PDZD2: variants seen among roughly 807,000 people sequenced by gnomAD.
PDZD2 encodes the protein PDZ domain-containing protein 2.
A neutral mutation model predicts 220.7 loss-of-function variants in PDZD2; 90 were observed. The ratio of observed to expected loss-of-function variants is 0.41; its 90% CI spans 0.34 to 0.49. PDZD2 has a LOEUF of 0.49. Ranked by LOEUF, PDZD2 falls within the 20% of genes least tolerant of loss-of-function variation. The probability of loss-of-function intolerance (pLI) is 0.28; values close to 1 mark genes in which losing one functional copy is unlikely to be tolerated. For missense variants in PDZD2, 3,174 were observed against 3,608.5 expected (o/e 0.88, Z 3.08); for synonymous variants, 1,375 against 1,450.5 (o/e 0.95, Z 1.18).
intron 2 of PDZD2, among the ~76,000 whole-genome samples, chr5:31,821,565 G>C (rs1755863016): frequency 6.6e-6 from 1 of 152,018 alleles, no homozygotes; most frequent in Non-Finnish European, 1.5e-5. Context: ...ATTTTTAGTA[G>C]AGACGGGGTT....
At chr5:32,063,397 G>T (rs1382469434) in intron 14 of PDZD2, among the ~76,000 whole-genome samples, 1 of 152,164 alleles carries the variant, frequency 6.6e-6, no homozygotes, top group African/African-American at 2.4e-5. Flanking sequence ...AAAGAGAGAA[G>T]ATCCTTCAGG....
At chr5:31,762,415 G>A (rs1403469540) in intron 1 of PDZD2, among the ~76,000 whole-genome samples, 1 of 152,134 alleles carries the variant, frequency 6.6e-6, no homozygotes, top group Non-Finnish European at 1.5e-5. Flanking sequence ...AGCCTCCCAA[G>A]TAGCTGGGAT....
At chr5:31,969,508 C>CAAAAAAAAAAAAAAAAAAAAA (rs1749073053) in intron 2 of PDZD2, among the ~76,000 whole-genome samples, 1 of 9,280 alleles carries the variant, frequency 1.1e-4, no homozygotes, top group East Asian at 2.7e-3. Flanking sequence ...GGCCCCCTCT[C>CAAAAAAAAAAAAAAAAAAAAA]CAAAAAAAAA....
intron 1 of PDZD2, chr5:31,725,846 C>T: frequency 2.5e-6 from 2 of 793,704 alleles, no homozygotes; most frequent in South Asian, 1.4e-5. Flanking sequence ...GCCGGAATGG[C>T]TTCTGCTACG....
chr5:31,882,542 C>T (rs747770674), intron 2 of PDZD2, among the ~76,000 whole-genome samples: 1 of 152,164 alleles, frequency 6.6e-6, no homozygotes, highest in Non-Finnish European at 1.5e-5. Context: ...AGATTTCTGC[C>T]TGCCTTCCAC....
intron 24 of PDZD2, among the ~76,000 whole-genome samples, chr5:32,105,281 A>G (rs1744658243): frequency 6.6e-6 from 1 of 152,230 alleles, no homozygotes; most frequent in Non-Finnish European, 1.5e-5. Flanking sequence ...CAAGAAACAC[A>G]GGAAGATGCT....
chr5:31,870,638 A>C (rs1343490054), intron 2 of PDZD2, among the ~76,000 whole-genome samples: 1 of 152,192 alleles, frequency 6.6e-6, no homozygotes, highest in Non-Finnish European at 1.5e-5. Flanking sequence ...GTATAATCCC[A>C]GCACTTTGGG....
intron 2 of PDZD2, among the ~76,000 whole-genome samples, chr5:31,908,082 CAAAAAAA>C (rs55741622): frequency 9.2e-4 from 71 of 76,906 alleles, no homozygotes; most frequent in African/African-American, 1.4e-3. Context: ...GGCTCCGTCT[CAAAAAAA>C]AAAAAAAAAA....
At chr5:31,704,083 G>A (rs1747718482) in intron 1 of PDZD2, among the ~76,000 whole-genome samples, 1 of 151,224 alleles carries the variant, frequency 6.6e-6, no homozygotes, top group Non-Finnish European at 1.5e-5. Flanking sequence ...CACGATCATA[G>A]ATCATTGCAA....
chr5:31,886,439 C>T (rs888941326), intron 2 of PDZD2, among the ~76,000 whole-genome samples: 1 of 152,082 alleles, frequency 6.6e-6, no homozygotes, highest in Non-Finnish European at 1.5e-5. Context: ...GACTCCCTTC[C>T]TCTCTCCTCT....
At chr5:31,915,736 T>C (rs1207210127) in intron 2 of PDZD2, among the ~76,000 whole-genome samples, 1 of 152,202 alleles carries the variant, frequency 6.6e-6, no homozygotes. Flanking sequence ...CAGGTCTGTT[T>C]TTGAAAAACA....
chr5:32,042,276 A>G (rs1273314955), intron 7 of PDZD2, among the ~76,000 whole-genome samples: 5 of 125,312 alleles, frequency 4.0e-5, no homozygotes, highest in Non-Finnish European at 8.5e-5. Context: ...AAAAAAAAAC[A>G]TCTGGCCGGG....
Position 31,994,316 on chromosome 5 carries a change from G to GT in PDZD2, c.979-1250dup, listed in dbSNP as rs377103534. Among the ~76,000 whole-genome samples, 828 of 147,192 alleles carry GT rather than the reference G, an allele frequency of 5.6e-3. 2 individuals carry two copies. The highest frequency in any genetic ancestry group is 8.1e-3 in the African/African-American group (323 of 40,118). ...AGCCACCACGCCCAGCCTGTTTTTT[G>GT]TTTTTTTTTTAAAGATTTTTATAGG... On this transcript the variant is annotated intron_variant, in intron 3 of 24. Transcript: ENST00000438447.
chr5:32,061,254 A>G, intron 14 of PDZD2, 120 bp downstream of exon 14: 1 of 779,402 alleles, frequency 1.3e-6, no homozygotes, highest in Non-Finnish European at 2.1e-6. Flanking sequence ...CGGGTGGTTC[A>G]TGTGGGAAAT....
chr5:32,057,620 C>A, intron 10 of PDZD2, 35 bp from the exon 11 acceptor site: 2 of 1,235,794 alleles, frequency 1.6e-6, no homozygotes, highest in Non-Finnish European at 2.4e-6. Flanking sequence ...AAATTAAAGG[C>A]TAATGTTAAT....
intron 2 of PDZD2, among the ~76,000 whole-genome samples, chr5:31,849,879 TATATATATACAC>T (rs1561506612): frequency 0.015 from 714 of 48,150 alleles, 201 homozygotes; most frequent in African/African-American, 0.094. Context: ...TACATATATA[TATATATATACAC>T]ATATATATAT....
chr5:31,937,425 C>A (rs1474653868), intron 2 of PDZD2, among the ~76,000 whole-genome samples: 1 of 152,140 alleles, frequency 6.6e-6, no homozygotes, highest in Non-Finnish European at 1.5e-5. Flanking sequence ...GAGAATGCCC[C>A]GTAGCCACAG....
At chr5:31,778,476 A>T (rs1752849388) in intron 1 of PDZD2, among the ~76,000 whole-genome samples, 1 of 151,960 alleles carries the variant, frequency 6.6e-6, no homozygotes, top group Non-Finnish European at 1.5e-5. Flanking sequence ...CCAGGAACCC[A>T]CTGGGAGGAA....
At chr5:31,919,708 A>AAT (rs1424683245) in intron 2 of PDZD2, among the ~76,000 whole-genome samples, 3 of 2,416 alleles carry the variant, frequency 1.2e-3, no homozygotes, top group Non-Finnish European at 1.9e-3. Flanking sequence ...ATTGATAAAG[A>AAT]AAAAAAAAAG....
Sources: allele counts gnomAD v4.1 joint callset (sites outside exome capture counted in the v4.1 genomes callset), GRCh38; gene constraint gnomAD v4.1.1; transcripts MANE v1.5; gene names NCBI Gene and HGNC (gene_info 2026-07-23, HGNC 2026-07-21).